Variants in FANCC observed in about 807,000 individuals in gnomAD.
FANCC encodes the protein Fanconi anemia group C protein.
A neutral mutation model predicts 71.3 loss-of-function variants in FANCC; 55 were observed. The ratio of observed to expected loss-of-function variants is 0.77; its 90% CI spans 0.62 to 0.97. The LOEUF is 0.97. FANCC is among the 50% of genes least tolerant of loss of function. The probability of loss-of-function intolerance (pLI) is 0.00; values close to 1 mark genes in which losing one functional copy is unlikely to be tolerated. For missense variants in FANCC, 678 were observed against 670.9 expected, an observed-to-expected ratio of 1.01 and a Z score of -0.12; for synonymous variants, 275 against 244.9, an observed-to-expected ratio of 1.12 and a Z score of -1.15.
chr9:95,146,877 A>T (rs1010270776), intron 7 of FANCC, among the ~76,000 whole-genome samples: 6 of 152,072 alleles, frequency 3.9e-5, no homozygotes, highest in African/African-American at 1.4e-4. Flanking sequence ...AAAAATTCTT[A>T]CATTTTTCTT....
chr9:95,213,306 G>A (rs1828624099), intron 4 of FANCC, among the ~76,000 whole-genome samples: 1 of 151,976 alleles, frequency 6.6e-6, no homozygotes, highest in Admixed American at 6.6e-5. Context: ...AGAGATGAAA[G>A]GAAACAGTAA....
intron 4 of FANCC, among the ~76,000 whole-genome samples, chr9:95,195,402 C>T (rs1054833672): frequency 1.3e-5 from 2 of 152,120 alleles, no homozygotes; most frequent in South Asian, 2.1e-4. Context: ...GCTTCTGTAC[C>T]TTTGTCAAAA....
chr9:95,103,586 G>A (rs1038069909), intron 14 of FANCC, among the ~76,000 whole-genome samples: 1 of 152,218 alleles, frequency 6.6e-6, no homozygotes, highest in Non-Finnish European at 1.5e-5. Context: ...CAAGTGGACG[G>A]CTGGGGCAAG....
intron 4 of FANCC, among the ~76,000 whole-genome samples, chr9:95,214,129 G>C (rs376457183): frequency 6.6e-6 from 1 of 152,236 alleles, no homozygotes; most frequent in East Asian, 1.9e-4. Context: ...TAGCTACTAT[G>C]AAAAAAACAG....
intron 1 of FANCC, among the ~76,000 whole-genome samples, chr9:95,278,968 T>A (rs989512409): frequency 3.3e-5 from 5 of 152,036 alleles, no homozygotes; most frequent in Non-Finnish European, 4.4e-5. Context: ...GAAGGATCAC[T>A]TGAGCCCAGG....
At chr9:95,275,194 G>A (rs1369401472) in intron 1 of FANCC, among the ~76,000 whole-genome samples, 1 of 152,016 alleles carries the variant, frequency 6.6e-6, no homozygotes, top group East Asian at 1.9e-4. Flanking sequence ...TGTGGCAGGA[G>A]GATCACCTGA....
At chr9:95,304,427 C>T (rs994671691) in intron 1 of FANCC, among the ~76,000 whole-genome samples, 23 of 151,956 alleles carry the variant, frequency 1.5e-4, no homozygotes, top group African/African-American at 5.3e-4. Context: ...TTCAAAGAAA[C>T]CTCCACAACC....
intron 6 of FANCC, among the ~76,000 whole-genome samples, chr9:95,161,821 A>C (rs775914905): frequency 1.2e-3 from 181 of 146,000 alleles, no homozygotes; most frequent in Non-Finnish European, 2.2e-3. Flanking sequence ...CCACTATTCT[A>C]CTTTCTGCTT....
chr9:95,107,433 C>T (rs1588030807), intron 13 of FANCC, 164 bp from the exon 14 acceptor site: 1 of 722,698 alleles, frequency 1.4e-6, no homozygotes, highest in Non-Finnish European at 2.4e-6. Flanking sequence ...TTCACACAAA[C>T]CCAAATGGGC....
chr9:95,190,453 G>A (rs1375705953), intron 4 of FANCC, among the ~76,000 whole-genome samples: 1 of 152,204 alleles, frequency 6.6e-6, no homozygotes, highest in African/African-American at 2.4e-5. Context: ...TGAGAAAGCT[G>A]TCTAAACTTG....
intron 1 of FANCC, among the ~76,000 whole-genome samples, chr9:95,279,604 C>T (rs1451007994): frequency 6.6e-6 from 1 of 151,674 alleles, no homozygotes; most frequent in African/African-American, 2.4e-5. Flanking sequence ...AGTAAAAGTT[C>T]AGACATAAAG....
Position 95,111,636 on chromosome 9 carries a change from A to G in FANCC, c.1156T>C (p.Ser386Pro), listed in dbSNP as rs41281202. ...REAVEDQTHG[S>P]CGGPFESWFL... ...CAGCTCTCAAAGGGACCTCCGCAGG[A>G]CCTGGAACAGAGGCAGAACACATGG... is the stretch of plus-strand genomic sequence containing the variant. Residue 386 changes from serine to proline, a missense_variant and splice_region_variant, in exon 13 of 15, where the codon TCC (serine) becomes CCC (proline). Physicochemically the swap from Ser to Pro is moderately conservative, Grantham distance 74 (BLOSUM62 -1). Coordinates refer to ENST00000289081, the MANE Select transcript of FANCC (RefSeq NM_000136.3). 3.9e-4 allele frequency: 635 copies of G among 1,614,122 alleles called. 1 individual carries two copies. In the African/African-American group the frequency reaches 7.6e-3, roughly 19 times the overall value.
rs572792371 is a variant in FANCC, at chr9:95,230,705, T to C, written c.345+9944A>G. Among the ~76,000 whole-genome samples, 9 of 152,222 alleles carry C rather than the reference T, an allele frequency of 5.9e-5. No homozygotes were observed. In the South Asian group the frequency reaches 8.3e-4, roughly 14 times the overall value. ...AAAGAGTGAGCAGCAGCAAGACTTATTGTGAAGAGCGAAAGAACAAAGCTT... is the reference window on the plus strand; with the variant it reads ...AAAGAGTGAGCAGCAGCAAGACTTACTGTGAAGAGCGAAAGAACAAAGCTT... On this transcript the variant is annotated intron_variant, in intron 4 of 14. Transcript: ENST00000289081.
At chr9:95,108,549 T>C (rs1388010353) in intron 13 of FANCC, among the ~76,000 whole-genome samples, 1 of 152,242 alleles carries the variant, frequency 6.6e-6, no homozygotes, top group Non-Finnish European at 1.5e-5. Context: ...AGGCCGTCCA[T>C]GCTCATGGGC....
At chr9:95,228,159 T>G (rs1172713383) in intron 4 of FANCC, among the ~76,000 whole-genome samples, 1 of 152,070 alleles carries the variant, frequency 6.6e-6, no homozygotes, top group African/African-American at 2.4e-5. Context: ...AGGATACAAT[T>G]GTGGAATAAA....
intron 8 of FANCC, among the ~76,000 whole-genome samples, chr9:95,130,287 T>C (rs562515505): frequency 1.1e-3 from 156 of 147,076 alleles, no homozygotes; most frequent in Non-Finnish European, 1.7e-3. Context: ...TGATTCTGTG[T>C]GTGTGTGTGT....
At chr9:95,243,634 A>C (rs1830761682) in intron 3 of FANCC, among the ~76,000 whole-genome samples, 1 of 151,950 alleles carries the variant, frequency 6.6e-6, no homozygotes, top group Non-Finnish European at 1.5e-5. Context: ...AATACAAAAA[A>C]AAAAAACAGA....
At chr9:95,122,804 G>A (rs1227850347) in intron 10 of FANCC, among the ~76,000 whole-genome samples, 1 of 152,188 alleles carries the variant, frequency 6.6e-6, no homozygotes, top group African/African-American at 2.4e-5. Flanking sequence ...ACTCCCCAGA[G>A]GCCCGTTCCT....
Position 95,140,855 on chromosome 9 carries a change from C to T in FANCC, c.687-5353G>A, listed in dbSNP as rs114996750. 4.4e-3 allele frequency among the ~76,000 whole-genome samples: 670 copies of T among 152,218 alleles called. 6 individuals carry two copies. The highest frequency in any genetic ancestry group is 0.015 in the African/African-American group (627 of 41,522). On this transcript the variant is annotated intron_variant, in intron 7 of 14. Transcript: ENST00000289081. ...ATCATTATCATCTGCATGTACAGAGCAGCTCACTTCTCAAAAGGCAGCCAC... is the reference window on the plus strand; with the variant it reads ...ATCATTATCATCTGCATGTACAGAGTAGCTCACTTCTCAAAAGGCAGCCAC...
Sources: gnomAD v4.1 joint callset for allele counts (sites outside exome capture counted in the v4.1 genomes callset) on GRCh38, gnomAD v4.1.1 for gene constraint, MANE v1.5 for transcripts, NCBI Gene and HGNC (gene_info 2026-07-23, HGNC 2026-07-21) for gene names.